UBA5: variants seen among roughly 807,000 people sequenced by gnomAD.
UBA5 encodes the protein ubiquitin like modifier activating enzyme 5, also known as ubiquitin-like modifier-activating enzyme 5.
In UBA5, 28 loss-of-function variants were observed where a neutral mutation model predicts 52.9. The observed-to-expected ratio is 0.53, with a 90% confidence interval of 0.39 to 0.73. The LOEUF (loss-of-function observed/expected upper bound fraction) is 0.73. Ranked by LOEUF, UBA5 falls within the 30% of genes least tolerant of loss-of-function variation. UBA5 has a pLI of 0.00. For synonymous variants in UBA5, 135 were observed against 162.1 expected (o/e 0.83, Z 1.27); for missense variants, 388 against 492.7 (o/e 0.79, Z 2.01).
Position 132,660,890 on chromosome 3 carries a change from A to G in UBA5, c.161+192A>G. 6.9e-7 allele frequency: 1 copy of G among 1,442,408 alleles called. No individual in the cohort carries two copies. The highest frequency in any genetic ancestry group is 9.1e-7 in the Non-Finnish European group (1 of 1,101,504). 89.4% of individuals were successfully genotyped at this position (1,442,408 alleles called of 1,614,324 possible). On this transcript the variant is annotated intron_variant, in intron 1 of 11. Transcript: ENST00000356232. This position sits in a 1 kb window ranked among gnomAD's most constrained non-coding sequence, Gnocchi z 4.1. The stretch of plus-strand genomic sequence containing the variant: ...GAAGATATTCTTTCTCTTTTTTAAA[A>G]ACCTCCAGTGAGTCAGCCATATGGT...
rs902526462 is a variant in UBA5 at position 132,676,650 on chromosome 3, T to C, written c.*124T>C. On this transcript the variant is annotated 3_prime_UTR_variant, in exon 12 of 12. Transcript: ENST00000356232. The surrounding 1 kb of genome is among the most constrained non-coding windows in gnomAD (Gnocchi z 4.1). ...ATGTATATTCTTACCTGAATTGTTA[T>C]ACTTTTTGAAAATCCTGTGACTTGC... 5.7e-6 allele frequency: 4 copies of C among 699,320 alleles called. No individual in the cohort carries two copies. Among genetic ancestry groups the C allele is most frequent in the Admixed American group, 5.4e-5 (2 of 36,808 alleles). The allele number at this position is 699,320 out of a possible 1,614,324, so 43.3% of individuals were successfully genotyped here. A position where few individuals can be genotyped will look rare whatever the true frequency, so the allele number is the denominator to read the frequency against.
upstream of UBA5, among the ~76,000 whole-genome samples, chr3:132,658,805 A>G (rs1000615417): frequency 6.6e-6 from 1 of 152,182 alleles, no homozygotes; most frequent in African/African-American, 2.4e-5. Flanking sequence ...TGTTGTTGCA[A>G]TTTTTACGCC....
In UBA5 at chr3:132,660,390, C is replaced by T; in HGVS notation, c.-148C>T. On this transcript the variant is annotated 5_prime_UTR_variant, in exon 1 of 12. Transcript: ENST00000356232. This position sits in a 1 kb window ranked among gnomAD's most constrained non-coding sequence, Gnocchi z 4.1. ...CTCGGAGACGTGTCTGTCTGTGAGG[C>T]GCTGGGTGCACGTCCCCAGGGCTCT... 1 of 1,004,466 alleles carries T rather than the reference C, an allele frequency of 1.0e-6. No homozygotes were observed. Among genetic ancestry groups the T allele is most frequent in the Non-Finnish European group, 1.4e-6 (1 of 699,936 alleles). 62.2% of individuals were successfully genotyped at this position (1,004,466 alleles called of 1,614,324 possible).
At chr3:132,669,133 T>C (rs1193018912) in intron 4 of UBA5, among the ~76,000 whole-genome samples, 1 of 152,226 alleles carries the variant, frequency 6.6e-6, no homozygotes, top group Non-Finnish European at 1.5e-5. Flanking sequence ...GGGCCAGATA[T>C]TCTGTTGGAA....
intron 3 of UBA5, 122 bp from the exon 4 acceptor site, chr3:132,668,696 G>C: frequency 1.7e-6 from 1 of 598,306 alleles, no homozygotes; most frequent in South Asian, 2.2e-5. Context: ...TAGTGTTGTA[G>C]AGTTAGCTAA....
In UBA5 at chr3:132,677,108, T is replaced by C. The variant is rs1224857155; in HGVS notation, c.*582T>C. On this transcript the variant is annotated 3_prime_UTR_variant, in exon 12 of 12. Transcript: ENST00000356232. ...TGAAGTACAAGTTGAAATGTAGTTA[T>C]TGGAAAAGTCTGTAACCTGTGGATC... The C allele has an allele frequency of 7.7e-6, 2 of 258,876 alleles. No homozygotes were observed. Among genetic ancestry groups the C allele is most frequent in the African/African-American group, 2.2e-5 (1 of 45,382 alleles). The allele number at this position is 258,876 out of a possible 1,614,324, so 16.0% of individuals were successfully genotyped here.
chr3:132,670,096 C>T, intron 4 of UBA5, 102 bp from the exon 5 acceptor site: 1 of 634,548 alleles, frequency 1.6e-6, no homozygotes, highest in Non-Finnish European at 2.8e-6. Context: ...GCGATGATAG[C>T]TCGCTGTAGC....
Position 132,676,853 on chromosome 3 carries a change from A to G in UBA5, c.*327A>G, listed in dbSNP as rs1424753907. Reference sequence around the variant, plus strand: ...CTGATCCTGTAATCTTTTTCTTTCCAGTAATCCCTTGTGTCTGTTGCATGA... The same window carrying G: ...CTGATCCTGTAATCTTTTTCTTTCCGGTAATCCCTTGTGTCTGTTGCATGA... On this transcript the variant is annotated 3_prime_UTR_variant, in exon 12 of 12. Transcript: ENST00000356232. This position sits in a 1 kb window ranked among gnomAD's most constrained non-coding sequence, Gnocchi z 4.1. 4.3e-6 allele frequency: 2 copies of G among 464,540 alleles called. No homozygotes were observed. The highest frequency in any genetic ancestry group is 2.0e-5 in the African/African-American group (1 of 50,492). 28.8% of individuals were successfully genotyped at this position (464,540 alleles called of 1,614,324 possible).
rs147080999 is a variant in UBA5 at position 132,670,849 on chromosome 3, AATAATT to A, written c.495-112_495-107del. ...CTTTAATATTACATATTTATTATGT[AATAATT>A]ATAGTCAAACATTTAATGAAAGAAT... is the stretch of plus-strand genomic sequence containing the variant. On this transcript the variant is annotated intron_variant, in intron 5 of 11. Transcript: ENST00000356232. The A allele has an allele frequency of 5.0e-3, 2,970 of 591,970 alleles. 58 individuals are homozygous for A. In the African/African-American group the frequency reaches 0.051, roughly 10 times the overall value. 36.7% of individuals were successfully genotyped at this position (591,970 alleles called of 1,614,324 possible).
At position 132,660,462 on chromosome 3, in the gene UBA5, G is replaced by A; in HGVS notation, c.-76G>A. 1 of 1,527,828 alleles carries A rather than the reference G, an allele frequency of 6.5e-7. No homozygotes were observed. Among genetic ancestry groups the A allele is most frequent in the Non-Finnish European group, 8.8e-7 (1 of 1,139,168 alleles). The allele number at this position is 1,527,828 out of a possible 1,614,324, so 94.6% of individuals were successfully genotyped here. ...GGTGCCTCCCCACGTACCCCTCGCG[G>A]GCCCAGCCGAGCAACGTGGGGCGAA... is the stretch of plus-strand genomic sequence containing the variant. On this transcript the variant is annotated 5_prime_UTR_variant, in exon 1 of 12. Transcript: ENST00000356232. This position sits in a 1 kb window ranked among gnomAD's most constrained non-coding sequence, Gnocchi z 4.1.
upstream of UBA5, chr3:132,659,577 C>T: frequency 6.2e-7 from 1 of 1,607,112 alleles, no homozygotes; most frequent in Non-Finnish European, 8.5e-7. Flanking sequence ...TTTTTTTCCG[C>T]TGGAGGCAAA....
At chr3:132,674,771 A>C (rs1051183496) in intron 8 of UBA5, among the ~76,000 whole-genome samples, 3 of 152,210 alleles carry the variant, frequency 2.0e-5, no homozygotes, top group African/African-American at 7.2e-5. Flanking sequence ...TGATGGTTAC[A>C]TGAAAGGCTC....
rs772799590 is a variant in UBA5 at position 132,675,612 on chromosome 3, T to G, written c.956T>G (p.Val319Gly). ...RKQQEEYKKK[V>G]AALPKQEVIQ... is the part of the protein sequence containing the mutation. Reference sequence around the variant, plus strand: ...GCTGTTTGATTTCTACAGAAAAAGGTAGCAGCACTGCCTAAACAAGAGGTT... The same window carrying G: ...GCTGTTTGATTTCTACAGAAAAAGGGAGCAGCACTGCCTAAACAAGAGGTT... The change falls in exon 10 of 12, where the codon GTA becomes GGA. Residue 319 changes from valine (V) to glycine (G), a missense_variant. This residue lies in a region of UBA5 where 277 missense variants were observed against 326.4 expected (regional missense o/e 0.85). Transcript: ENST00000356232. The G allele has an allele frequency of 6.2e-7, 1 of 1,612,030 alleles. No homozygotes were observed. The highest frequency in any genetic ancestry group is 1.7e-5 in the Admixed American group (1 of 59,790).
chr3:132,668,311 T>C (rs1938463914), intron 3 of UBA5: 1 of 152,732 alleles, frequency 6.5e-6, no homozygotes, highest in Non-Finnish European at 1.5e-5. Flanking sequence ...TTTTGTCATA[T>C]ACACAAAAGG....
At chr3:132,659,969 T>C (rs986184798), upstream of UBA5, 7 of 496,068 alleles carry the variant, frequency 1.4e-5, no homozygotes, top group East Asian at 7.0e-5. Context: ...GCCCAATGTG[T>C]GTTCGGGTTT....
At chr3:132,661,184 C>T in intron 1 of UBA5, 1 of 568,670 alleles carries the variant, frequency 1.8e-6, no homozygotes, top group Non-Finnish European at 2.7e-6. Context: ...ACCAAGACTG[C>T]CCAGGCCTCT....
Position 132,660,361 on chromosome 3 carries a change from G to A in UBA5, c.-177G>A. On this transcript the variant is annotated 5_prime_UTR_variant, in exon 1 of 12. Coordinates refer to ENST00000356232, the MANE Select transcript of UBA5 (RefSeq NM_024818.6). This position sits in a 1 kb window ranked among gnomAD's most constrained non-coding sequence, Gnocchi z 4.1. Reference sequence around the variant, plus strand: ...AAGCGGCTCCGAGGAAGGCCTGTGGGAGTCTCGGAGACGTGTCTGTCTGTG... The same window carrying A: ...AAGCGGCTCCGAGGAAGGCCTGTGGAAGTCTCGGAGACGTGTCTGTCTGTG... 1.3e-6 allele frequency: 1 copy of A among 741,062 alleles called. No individual in the cohort carries two copies. The highest frequency in any genetic ancestry group is 1.9e-5 in the South Asian group (1 of 53,766). The allele number at this position is 741,062 out of a possible 1,614,324, so 45.9% of individuals were successfully genotyped here.
upstream of UBA5, chr3:132,660,323 T>C (rs1938078163): frequency 3.2e-6 from 2 of 621,746 alleles, no homozygotes; most frequent in East Asian, 5.7e-5. This position sits in a 1 kb window ranked among gnomAD's most constrained non-coding sequence, Gnocchi z 4.1. Context: ...GAGCGATGTC[T>C]GCGACGCACC....
Position 132,676,590 on chromosome 3 carries a change from A to T in UBA5, c.*64A>T, listed in dbSNP as rs568124146. The stretch of plus-strand genomic sequence containing the variant: ...CCTCTTCCCTTGAAATTAAAAAAAA[A>T]TTTTAACTGATAAAACTTAGGGCAA... On this transcript the variant is annotated 3_prime_UTR_variant, in exon 12 of 12. Transcript: ENST00000356232. The surrounding 1 kb of genome is among the most constrained non-coding windows in gnomAD (Gnocchi z 4.1). 2.0e-5 allele frequency: 24 copies of T among 1,188,038 alleles called. No individual in the cohort carries two copies. The highest frequency in any genetic ancestry group is 1.9e-4 in the East Asian group (8 of 41,954). The allele number at this position is 1,188,038 out of a possible 1,614,324, so 73.6% of individuals were successfully genotyped here. A position where few individuals can be genotyped will look rare whatever the true frequency, so the allele number is the denominator to read the frequency against.
Sources: gnomAD v4.1 joint callset for allele counts (sites outside exome capture counted in the v4.1 genomes callset) on GRCh38, gnomAD v4.1.1 for gene constraint, gnomAD v4.1.1 regional missense constraint, Gnocchi (gnomAD v3.1) non-coding constraint, MANE v1.5 for transcripts, NCBI Gene and HGNC (gene_info 2026-07-23, HGNC 2026-07-21) for gene names.